The following HELZ2 variants were observed in gnomAD, a reference collection of about 807,000 sequenced individuals.
HELZ2 encodes helicase with zinc finger 2.
A neutral mutation model predicts 208.8 loss-of-function variants in HELZ2; 143 were observed. That is an observed-to-expected ratio of 0.68 (90% CI 0.60 to 0.79). HELZ2 has a LOEUF of 0.79. Ranked by LOEUF, HELZ2 falls within the 30% of genes least tolerant of loss-of-function variation. The pLI, the probability that HELZ2 is intolerant of heterozygous loss-of-function variation, is 0.00. For missense variants in HELZ2, 3,690 were observed against 3,794.5 expected, an observed-to-expected ratio of 0.97 and a Z score of 0.72; for synonymous variants, 1,705 against 1,693.7, an observed-to-expected ratio of 1.01 and a Z score of -0.16.
At chr20:63,559,240 G>A (rs777684829) in exon 19 of HELZ2, 21 of 1,541,826 alleles carry the variant, frequency 1.4e-5, no homozygotes, top group South Asian at 1.1e-4. Flanking sequence ...AGGTGGAGAG[G>A]GCTCTTCAGG....
intron 18 of HELZ2, 35 bp downstream of exon 19, chr20:63,559,893 G>C (rs779072840): frequency 6.2e-7 from 1 of 1,600,692 alleles, no homozygotes; most frequent in Non-Finnish European, 8.5e-7. Flanking sequence ...CCTCACCTGT[G>C]TTCCCACCCT....
At chr20:63,560,371 C>A in intron 16 of HELZ2, 44 bp from the exon 18 acceptor site, 1 of 1,501,834 alleles carries the variant, frequency 6.7e-7, no homozygotes, top group East Asian at 2.8e-5. Context: ...TGGTGTCTCT[C>A]CTGCCCTCCT....
chr20:63,566,715 G>A, intron 6 of HELZ2, 129 bp downstream of exon 7: 4 of 951,918 alleles, frequency 4.2e-6, no homozygotes, highest in Non-Finnish European at 6.1e-6. Context: ...CCTCAGCCCT[G>A]GGAGGCAAAT....
At chr20:63,568,605 C>G in exon 5 of HELZ2, 1 of 1,598,792 alleles carries the variant, frequency 6.3e-7, no homozygotes, top group Non-Finnish European at 8.5e-7. Flanking sequence ...AAGTCGGGCA[C>G]CACCAGCTGC....
In HELZ2 at chr20:63,565,651, T is replaced by C. The variant is rs200604052; in HGVS notation, c.3171A>G (p.Ala1057=). The change falls in exon 8 of 19, where the codon GCA becomes GCG. Residue 1057 remains alanine, a synonymous_variant. Transcript: ENST00000467148. ...CGTCCCACGGCCAGAAGTCAGCCTC[T>C]GCATCCTCAGCCTCCGTGGACTCCA... 8.8e-4 allele frequency: 1,424 copies of C among 1,610,556 alleles called. 24 individuals carry two copies. The South Asian group carries it at 0.015, about 17-fold the overall frequency.
In HELZ2 at chr20:63,559,314, C is replaced by T. The variant is rs781530241; in HGVS notation, c.7882G>A (p.Glu2628Lys). The T allele has an allele frequency of 1.6e-5, 26 of 1,601,394 alleles. No homozygotes were observed. In the Middle Eastern group the frequency reaches 9.2e-4, roughly 57 times the overall value. The change falls in exon 19 of 19, where the codon GAG becomes AAG. Residue 2628 changes from glutamate to lysine, a missense_variant. Transcript: ENST00000467148. Reference sequence around the variant, plus strand: ...GCAGGCACGAGGGTCTGCTGAGCCTCGCAGAAGTCCAGGAGGCTACGCCAG... The same window carrying T: ...GCAGGCACGAGGGTCTGCTGAGCCTTGCAGAAGTCCAGGAGGCTACGCCAG...
chr20:63,561,426 G>T lies in HELZ2; in HGVS notation c.6877C>A (p.Pro2293Thr), dbSNP rs114590806. ...AAGGCCTTGATTTCCGACGAGTAAG[G>T]GTTGGGGGCCTGCCGGATCCGGTGG... is the stretch of plus-strand genomic sequence containing the variant. The change falls in exon 13 of 19, where the codon CCT (proline) becomes ACT (threonine). Residue 2293 changes from proline to threonine, a missense_variant. By Grantham distance (38) the Pro-to-Thr change is conservative. Coordinates refer to ENST00000467148, the Ensembl canonical transcript of HELZ2. The T allele has an allele frequency of 4.8e-5, 78 of 1,612,558 alleles. No individual in the cohort carries two copies. In the East Asian group the frequency reaches 1.3e-3, roughly 28 times the overall value.
chr20:63,566,032 G>T, exon 8 of HELZ2: 1 of 1,593,186 alleles, frequency 6.3e-7, no homozygotes. Flanking sequence ...CACGGATGAA[G>T]CTCTCCCAGA....
At position 63,566,836 on chromosome 20, in the gene HELZ2, G is replaced by A. The variant is rs201474774; in HGVS notation, c.2514+8C>T. The A allele has an allele frequency of 7.6e-5, 121 of 1,584,826 alleles. 1 individual carries two copies. The highest frequency in any genetic ancestry group is 9.3e-5 in the Non-Finnish European group (109 of 1,169,426). On this transcript the variant is annotated splice_region_variant and intron_variant, in intron 6 of 18. Transcript: ENST00000467148. ...GGTCGGGGGCTGTCCCGGGCTGGCC[G>A]GGCTCACCTGGGCACCGTGGGAAAC...
At chr20:63,562,191 C>T (rs1049614363) in exon 10 of HELZ2, 3 of 1,612,026 alleles carry the variant, frequency 1.9e-6, no homozygotes, top group Non-Finnish European at 2.5e-6. Context: ...CTCCAGGAAC[C>T]TGCTGGGGAT....
rs571030479 is a variant in HELZ2 at position 63,570,774 on chromosome 20, G to A, written c.373C>T (p.Arg125Trp). The change falls in exon 2 of 19, where the codon CGG (arginine) becomes TGG (tryptophan). Residue 125 changes from arginine (R) to tryptophan (W), a missense_variant. By Grantham distance (101) the Arg-to-Trp change is moderately radical. Coordinates refer to ENST00000467148, the Ensembl canonical transcript of HELZ2. ...CCGTCCTGCCAGGCCGCCTGCCCCCGCAGCTCCACAGCCTGCGTGCGCCGG... is the reference window on the plus strand; with the variant it reads ...CCGTCCTGCCAGGCCGCCTGCCCCCACAGCTCCACAGCCTGCGTGCGCCGG... 5.9e-5 allele frequency: 95 copies of A among 1,609,000 alleles called. 1 individual carries two copies. The highest frequency in any genetic ancestry group is 3.4e-4 in the Middle Eastern group (2 of 5,940).
At chr20:63,572,020 C>T in intron 1 of HELZ2, 88 bp downstream of exon 2, 7 of 1,437,942 alleles carry the variant, frequency 4.9e-6, no homozygotes, top group Non-Finnish European at 5.6e-6. Context: ...TGGTGGGCTC[C>T]TGCCCCACTC....
chr20:63,569,522 T>C, exon 4 of HELZ2: 1 of 1,609,892 alleles, frequency 6.2e-7, no homozygotes, highest in Non-Finnish European at 8.5e-7. Flanking sequence ...GCACACGCAC[T>C]CCCACCTGGA....
intron 6 of HELZ2, 58 bp downstream of exon 7, chr20:63,566,786 G>C: frequency 6.7e-7 from 1 of 1,486,140 alleles, no homozygotes; most frequent in Non-Finnish European, 9.1e-7. Flanking sequence ...CAGCCGGAGA[G>C]CTCCCCCTCC....
exon 4 of HELZ2, chr20:63,569,247 C>T: frequency 2.5e-6 from 4 of 1,571,082 alleles, no homozygotes; most frequent in Non-Finnish European, 3.5e-6. Flanking sequence ...GGCCACGCTG[C>T]TGCGGTTGAA....
exon 8 of HELZ2, chr20:63,562,731 G>T (rs1356197906): frequency 6.2e-7 from 1 of 1,602,384 alleles, no homozygotes; most frequent in Non-Finnish European, 8.5e-7. Flanking sequence ...TTCAGGCCAG[G>T]GCCGAGGCTG....
intron 17 of HELZ2, 38 bp from the exon 19 acceptor site, chr20:63,560,133 C>T (rs768454625): frequency 2.6e-6 from 4 of 1,554,044 alleles, no homozygotes; most frequent in Non-Finnish European, 3.5e-6. Flanking sequence ...GCCGCTGCGC[C>T]CACCCTCCCG....
At chr20:63,562,157 T>C in exon 10 of HELZ2, 1 of 1,611,764 alleles carries the variant, frequency 6.2e-7, no homozygotes, top group Non-Finnish European at 8.5e-7. Context: ...TGTGGCGGCC[T>C]CCGGGGATGT....
exon 6 of HELZ2, chr20:63,567,483 G>A (rs114221672): frequency 5.8e-5 from 90 of 1,555,962 alleles, no homozygotes; most frequent in African/African-American, 3.4e-4. Flanking sequence ...CCTGGCGGTC[G>A]TCGGTCAGGC....
Sources: gnomAD v4.1 joint callset for allele counts on GRCh38, gnomAD v4.1.1 for gene constraint, MANE v1.5 for transcripts, NCBI Gene and HGNC (gene_info 2026-07-23, HGNC 2026-07-21) for gene names.